PSG7: variants seen among roughly 807,000 people sequenced by gnomAD.
The protein encoded by PSG7 is pregnancy-specific beta-1-glycoprotein 7.
PSG7 carries 57 observed loss-of-function variants against 45.6 expected under a neutral mutation model. That is an observed-to-expected ratio of 1.25 (90% CI 1.01 to 1.56). The LOEUF is 1.56. Among genes scored for constraint, PSG7 ranks in the 40% most tolerant of loss-of-function variants. The pLI is 0.00. For synonymous variants in PSG7, 298 were observed against 194.4 expected, an observed-to-expected ratio of 1.53 and a Z score of -4.43; for missense variants, 796 against 508.4, an observed-to-expected ratio of 1.57 and a Z score of -5.44.
In PSG7 at chr19:42,925,905, T is replaced by C. The variant is rs1600561276; in HGVS notation, c.1111A>G (p.Lys371Glu). 6.8e-6 allele frequency: 11 copies of C among 1,612,172 alleles called. No individual in the cohort carries two copies. In the East Asian group the frequency reaches 2.5e-4, roughly 36 times the overall value. ...AGCTTTTGTCCTGATAGCTGAAACTTCCCATTAATTGTCCAAGAATACTGT... is the reference window on the plus strand; with the variant it reads ...AGCTTTTGTCCTGATAGCTGAAACTCCCCATTAATTGTCCAAGAATACTGT... ...PAQYSWTING[K>E]FQLSGQKLSI... Residue 371 changes from lysine to glutamate, a missense_variant, in exon 5 of 6, where the codon AAG becomes GAG. Lys to Glu is a moderately conservative substitution (Grantham distance 56, BLOSUM62 1). Coordinates refer to ENST00000406070, the MANE Select transcript of PSG7 (RefSeq NM_002783.3).
At chr19:42,932,889 T>G (rs868772697) in intron 2 of PSG7, among the ~76,000 whole-genome samples, 2 of 151,232 alleles carry the variant, frequency 1.3e-5, no homozygotes, top group South Asian at 2.1e-4. Flanking sequence ...GTTTACAAAA[T>G]TTGTAACTAA....
rs558963929 is a variant in PSG7, at chr19:42,926,857, G to A, written c.710-141C>T. On this transcript the variant is annotated intron_variant, in intron 3 of 5. Coordinates refer to ENST00000406070, the MANE Select transcript of PSG7 (RefSeq NM_002783.3). ...CAATAGCTGGTGTGTGTGTCACAAG[G>A]TAGATGCATGATGATCTAAGGGCTC... 1.2e-4 allele frequency: 165 copies of A among 1,422,044 alleles called. 7 individuals carry two copies. The South Asian group carries it at 1.8e-3, about 15-fold the overall frequency. The allele number at this position is 1,422,044 out of a possible 1,614,324, so 88.1% of individuals were successfully genotyped here.
intron 2 of PSG7, among the ~76,000 whole-genome samples, chr19:42,933,307 A>ATATATATATATATT (rs56691588): frequency 8.9e-4 from 12 of 13,494 alleles, no homozygotes; most frequent in Non-Finnish European, 1.6e-3. Flanking sequence ...ATATATATAT[A>ATATATATATATATT]TTTTTTTTTT....
intron 2 of PSG7, among the ~76,000 whole-genome samples, chr19:42,931,997 G>A (rs1033269463): frequency 4.6e-5 from 7 of 151,326 alleles, no homozygotes; most frequent in African/African-American, 7.3e-5. Context: ...CTACCAGTAA[G>A]CATCAAAAGC....
chr19:42,926,628 A>C lies in PSG7; in HGVS notation c.798T>G (p.Ser266Arg). 6.2e-7 allele frequency: 1 copy of C among 1,609,742 alleles called. No homozygotes were observed. Among genetic ancestry groups the C allele is most frequent in the African/African-American group, 1.3e-5 (1 of 74,546 alleles). ...DVSTFTCEPK[S>R]ENYTYIWWLN... ...GCCACCAAATGTAGGTGTAGTTCTCACTCTTAGGTTCACAGGTGAAGGTTG... is the reference window on the plus strand; with the variant it reads ...GCCACCAAATGTAGGTGTAGTTCTCCCTCTTAGGTTCACAGGTGAAGGTTG... Residue 266 changes from serine to arginine, a missense_variant, in exon 4 of 6, where the codon AGT becomes AGG. By Grantham distance (110) the Ser-to-Arg change is moderately radical (BLOSUM62 -1). Transcript: ENST00000406070.
chr19:42,926,371 C>A, intron 4 of PSG7, 67 bp downstream of exon 4: 6 of 1,595,428 alleles, frequency 3.8e-6, no homozygotes, highest in African/African-American at 1.3e-5. Flanking sequence ...GGACTGGCCT[C>A]TGGTCGTTTG....
At chr19:42,936,421 A>G (rs1305112658) in intron 1 of PSG7, 1 of 156,206 alleles carries the variant, frequency 6.4e-6, no homozygotes, top group Non-Finnish European at 1.4e-5. Flanking sequence ...ACAGTGTTTC[A>G]TGCCCTGCTT....
chr19:42,929,615 A>T lies in PSG7; in HGVS notation c.536T>A (p.Leu179Gln), dbSNP rs375777371. ...CDPETPDASY[L>Q]WWMNGQSLPM... is the part of the protein sequence containing the mutation. Reference sequence around the variant, plus strand: ...GAGGCTCTGACCATTCATCCACCACAGGTAGCTTGCATCTGGAGTCTCAGG... The same window carrying T: ...GAGGCTCTGACCATTCATCCACCACTGGTAGCTTGCATCTGGAGTCTCAGG... The change falls in exon 3 of 6, where the codon CTG becomes CAG. Residue 179 changes from leucine (L) to glutamine (Q), a missense_variant. Leu to Gln is a moderately radical substitution (Grantham distance 113). Transcript: ENST00000406070. The T allele has an allele frequency of 9.9e-6, 16 of 1,612,510 alleles. No homozygotes were observed. The highest frequency in any genetic ancestry group is 2.7e-5 in the African/African-American group (2 of 74,666).
At chr19:42,929,067 A>G (rs571589773) in intron 3 of PSG7, 64 of 307,714 alleles carry the variant, frequency 2.1e-4, no homozygotes, top group African/African-American at 1.3e-3. Context: ...ATAATGTCAC[A>G]GGTGATATTG....
At chr19:42,936,223 G>T (rs754357240) in intron 1 of PSG7, 3 of 170,860 alleles carry the variant, frequency 1.8e-5, no homozygotes, top group African/African-American at 4.8e-5. Flanking sequence ...TCACATTCTA[G>T]ATCTCTTTGC....
At chr19:42,931,821 C>T (rs186526528) in intron 2 of PSG7, among the ~76,000 whole-genome samples, 24 of 151,562 alleles carry the variant, frequency 1.6e-4, no homozygotes, top group African/African-American at 5.3e-4. Flanking sequence ...TGTCCCACAA[C>T]TACAAAATTT....
chr19:42,935,830 GC>G, intron 1 of PSG7, 61 bp from the exon 2 acceptor site: 1 of 1,547,492 alleles, frequency 6.5e-7, no homozygotes, highest in Non-Finnish European at 8.7e-7. Context: ...GAAAAGATGG[GC>G]CCCTGGGTCC....
chr19:42,928,882 T>A (rs979020194), intron 3 of PSG7, among the ~76,000 whole-genome samples: 1 of 151,432 alleles, frequency 6.6e-6, no homozygotes, highest in African/African-American at 2.4e-5. Flanking sequence ...TTTTAGTGAA[T>A]TGGGGTATAA....
intron 3 of PSG7, 99 bp from the exon 4 acceptor site, chr19:42,926,815 T>G (rs1972904646): frequency 1.9e-6 from 3 of 1,541,796 alleles, no homozygotes; most frequent in Middle Eastern, 2.3e-4. Context: ...TGTCAACACG[T>G]GTGAGTCCTT....
rs766146696 is a variant in PSG7, at chr19:42,925,864, A to T, written c.1152T>A (p.Ile384=). ...LSGQKLSIPQ[I]TTKHSGLYAC... The stretch of plus-strand genomic sequence containing the variant: ...CATAGAGCCCGCTATGCTTTGTAGT[A>T]ATCTGGGGGATAGAAAGCTTTTGTC... Residue 384 remains isoleucine (I), a synonymous_variant, in exon 5 of 6, where the codon ATT becomes ATA. Coordinates refer to ENST00000406070, the MANE Select transcript of PSG7 (RefSeq NM_002783.3). 6.2e-7 allele frequency: 1 copy of T among 1,612,038 alleles called. No homozygotes were observed. The highest frequency in any genetic ancestry group is 2.2e-5 in the East Asian group (1 of 44,782).
At chr19:42,925,406 G>C in intron 5 of PSG7, 1 of 452,980 alleles carries the variant, frequency 2.2e-6, no homozygotes, top group Non-Finnish European at 3.7e-6. Context: ...ATAGTTTATT[G>C]AACCACTATA....
chr19:42,937,071 C>G lies in PSG7; in HGVS notation c.6G>C (p.Gly2=). The G allele has an allele frequency of 1.2e-6, 2 of 1,611,248 alleles. No homozygotes were observed. Among genetic ancestry groups the G allele is most frequent in the South Asian group, 2.2e-5 (2 of 90,772 alleles). The change falls in exon 1 of 6, where the codon GGG becomes GGC. Residue 2 remains glycine, a synonymous_variant. Coordinates refer to ENST00000406070, the MANE Select transcript of PSG7 (RefSeq NM_002783.3). M[G]PLSAPPCTQH... is the part of the protein sequence containing the mutation. Reference sequence around the variant, plus strand: ...GTGTGCAGGGAGGGGCTGAGAGGGGCCCCATGGTCTCTGCTCCCTGCGTGT... The same window carrying G: ...GTGTGCAGGGAGGGGCTGAGAGGGGGCCCATGGTCTCTGCTCCCTGCGTGT...
chr19:42,930,998 G>T (rs541659088), intron 2 of PSG7, among the ~76,000 whole-genome samples: 78 of 151,634 alleles, frequency 5.1e-4, no homozygotes, highest in Non-Finnish European at 1.0e-3. Flanking sequence ...TCCACAATGC[G>T]CCAGTGAGCA....
intron 1 of PSG7, 87 bp from the exon 2 acceptor site, chr19:42,935,856 C>T: frequency 2.1e-6 from 3 of 1,427,806 alleles, no homozygotes; most frequent in Non-Finnish European, 9.4e-7. Context: ...AAGGTCTCTT[C>T]AATCCTCAGC....
Sources: gnomAD v4.1 joint callset for allele counts (sites outside exome capture counted in the v4.1 genomes callset) on GRCh38, gnomAD v4.1.1 for gene constraint, MANE v1.5 for transcripts, NCBI Gene and HGNC (gene_info 2026-07-23, HGNC 2026-07-21) for gene names.